RILPL1: variants seen among roughly 807,000 people sequenced by gnomAD.
RILPL1 encodes RILP-like protein 1.
RILPL1 carries 33 observed loss-of-function variants against 50.3 expected under a neutral mutation model. That is an observed-to-expected ratio of 0.66 (90% CI 0.50 to 0.88). The LOEUF is 0.88. RILPL1 is among the 40% of genes least tolerant of loss of function. The pLI is 0.00. For synonymous variants in RILPL1, 205 were observed against 228.6 expected (o/e 0.90, Z 0.93); for missense variants, 418 against 542.5 (o/e 0.77, Z 2.28).
At chr12:123,475,720 T>C (rs771304129) in intron 6 of RILPL1, 1 of 1,593,774 alleles carries the variant, frequency 6.3e-7, no homozygotes, top group South Asian at 1.1e-5. Context: ...TCAGTCCCGC[T>C]GCTACCATAG....
intron 2 of RILPL1, among the ~76,000 whole-genome samples, chr12:123,500,471 G>A (rs142447525): frequency 1.1e-3 from 169 of 150,850 alleles, no homozygotes; most frequent in African/African-American, 4.0e-3. Flanking sequence ...TTTTAGTAGA[G>A]ACAGGGTTTT....
intron 2 of RILPL1, among the ~76,000 whole-genome samples, chr12:123,500,220 G>A (rs1289298837): frequency 2.0e-5 from 3 of 149,920 alleles, no homozygotes; most frequent in South Asian, 2.1e-4. Context: ...GTGAGCCACC[G>A]CGCCCGGCCT....
At chr12:123,476,291 A>T (rs2139305193) in intron 6 of RILPL1, among the ~76,000 whole-genome samples, 1 of 113,588 alleles carries the variant, frequency 8.8e-6, no homozygotes. Context: ...AAATACAAAA[A>T]TTAGCCGGGC....
At chr12:123,524,354 G>A (rs961556570) in intron 1 of RILPL1, among the ~76,000 whole-genome samples, 2 of 152,152 alleles carry the variant, frequency 1.3e-5, no homozygotes, top group Non-Finnish European at 2.9e-5. Context: ...AAAATGCTGC[G>A]GACATTTTGG....
Position 123,485,582 on chromosome 12 carries a change from C to G in RILPL1, c.974+51G>C. On this transcript the variant is annotated intron_variant, in intron 5 of 6. Transcript: ENST00000376874. This position sits in a 1 kb window ranked among gnomAD's most constrained non-coding sequence, Gnocchi z 4.0. Reference sequence around the variant, plus strand: ...GAAGGTAACTGTACAGAAACTCTGGCTAACCTCAGTAAGGAGCCAGCTCGG... The same window carrying G: ...GAAGGTAACTGTACAGAAACTCTGGGTAACCTCAGTAAGGAGCCAGCTCGG... 6.4e-7 allele frequency: 1 copy of G among 1,559,814 alleles called. No individual in the cohort carries two copies. The highest frequency in any genetic ancestry group is 8.7e-7 in the Non-Finnish European group (1 of 1,143,676).
At chr12:123,523,014 G>A (rs997490456) in intron 2 of RILPL1, among the ~76,000 whole-genome samples, 2 of 152,062 alleles carry the variant, frequency 1.3e-5, no homozygotes, top group African/African-American at 4.8e-5. Flanking sequence ...ACTTCATTAG[G>A]GTTCAAATGT....
chr12:123,489,651 G>A lies in RILPL1; in HGVS notation c.802-3846C>T, dbSNP rs982565986. 2.0e-5 allele frequency among the ~76,000 whole-genome samples: 3 copies of A among 150,856 alleles called. No individual in the cohort carries two copies. Among genetic ancestry groups the A allele is most frequent in the Non-Finnish European group, 4.4e-5 (3 of 67,740 alleles). On this transcript the variant is annotated intron_variant, in intron 4 of 6. Coordinates refer to ENST00000376874, the MANE Select transcript of RILPL1 (RefSeq NM_178314.5). The surrounding 1 kb of genome is among the most constrained non-coding windows in gnomAD (Gnocchi z 4.0). ...TGTACTCCAGCCTGGGCGACAGAGC[G>A]ACAGAGTAAGACTCCATCTTAAAAA...
chr12:123,509,340 G>T (rs942381259), intron 2 of RILPL1, among the ~76,000 whole-genome samples: 1 of 152,188 alleles, frequency 6.6e-6, no homozygotes, highest in Non-Finnish European at 1.5e-5. Context: ...GAGGCAGGTG[G>T]ATCACCTGAA....
At chr12:123,487,331 C>T (rs1328035093) in intron 4 of RILPL1, among the ~76,000 whole-genome samples, 1 of 150,318 alleles carries the variant, frequency 6.7e-6, no homozygotes, top group Non-Finnish European at 1.5e-5. Flanking sequence ...GAGATGGCAT[C>T]TCACTCTGTC....
At chr12:123,503,153 TG>T (rs1256198572) in intron 2 of RILPL1, among the ~76,000 whole-genome samples, 1 of 144,926 alleles carries the variant, frequency 6.9e-6, no homozygotes, top group Non-Finnish European at 1.5e-5. Flanking sequence ...CCCAAAGTGC[TG>T]GGATTTACAG....
At chr12:123,504,707 C>CT in intron 2 of RILPL1, among the ~76,000 whole-genome samples, 1 of 152,286 alleles carries the variant, frequency 6.6e-6, no homozygotes, top group South Asian at 2.1e-4. Context: ...GGAAATGGGT[C>CT]TTATTATCAT....
In RILPL1 at chr12:123,499,576, C is replaced by A. The variant is rs567120826; in HGVS notation, c.461-40G>T. The A allele has an allele frequency of 1.5e-4, 214 of 1,454,422 alleles. 1 individual carries two copies. Among genetic ancestry groups the A allele is most frequent in the Middle Eastern group, 1.4e-3 (8 of 5,766 alleles). The allele number at this position is 1,454,422 out of a possible 1,614,324, so 90.1% of individuals were successfully genotyped here. On this transcript the variant is annotated intron_variant, in intron 2 of 6. Transcript: ENST00000376874. ...GAGACCGGCAGGTGAGCCCGCCTTA[C>A]TCCTATGTTGAAATCATCCACCACT... is the stretch of plus-strand genomic sequence containing the variant.
intron 2 of RILPL1, among the ~76,000 whole-genome samples, chr12:123,511,129 TA>T (rs2139361318): frequency 3.6e-4 from 1 of 2,782 alleles, no homozygotes; most frequent in Non-Finnish European, 7.8e-4. Context: ...GTGTGAGGTC[TA>T]TGTGTGTGTG....
At chr12:123,480,354 G>C (rs1881884457) in intron 6 of RILPL1, among the ~76,000 whole-genome samples, 1 of 151,838 alleles carries the variant, frequency 6.6e-6, no homozygotes, top group East Asian at 1.9e-4. Context: ...GTAGAGATGG[G>C]GGTTTCACCA....
At chr12:123,500,132 G>A (rs1366902102) in intron 2 of RILPL1, among the ~76,000 whole-genome samples, 8 of 151,692 alleles carry the variant, frequency 5.3e-5, no homozygotes, top group Admixed American at 1.3e-4. Context: ...GGGTTTCACC[G>A]TGTTAGCCAG....
At chr12:123,475,862 T>C (rs913896604) in intron 6 of RILPL1, 24 of 661,708 alleles carry the variant, frequency 3.6e-5, no homozygotes, top group African/African-American at 1.1e-4. Context: ...AAGTTAGCGG[T>C]TGAATTGTGT....
chr12:123,523,453 G>T, intron 2 of RILPL1, 42 bp downstream of exon 2: 1 of 1,612,416 alleles, frequency 6.2e-7, no homozygotes. Flanking sequence ...AATAAGAAAA[G>T]GAATGGCCGG....
chr12:123,481,411 T>C (rs572343786), intron 6 of RILPL1, among the ~76,000 whole-genome samples: 2 of 150,634 alleles, frequency 1.3e-5, no homozygotes, highest in Non-Finnish European at 2.9e-5. Flanking sequence ...AGGGCTGCCA[T>C]GCTGCCATCC....
chr12:123,497,088 G>A (rs1417294564), intron 4 of RILPL1, among the ~76,000 whole-genome samples: 1 of 152,204 alleles, frequency 6.6e-6, no homozygotes, highest in Admixed American at 6.5e-5. Context: ...TGATGTTTTT[G>A]CAGCTCATCC....
Sources: gnomAD v4.1 joint callset for allele counts (sites outside exome capture counted in the v4.1 genomes callset) on GRCh38, gnomAD v4.1.1 for gene constraint, Gnocchi (gnomAD v3.1) non-coding constraint, MANE v1.5 for transcripts, NCBI Gene and HGNC (gene_info 2026-07-23, HGNC 2026-07-21) for gene names.